HDAC11: variants seen among roughly 807,000 people sequenced by gnomAD.
HDAC11 encodes histone deacetylase 11.
HDAC11 carries 23 observed loss-of-function variants against 41.1 expected under a neutral mutation model. That is an observed-to-expected ratio of 0.56 (90% CI 0.40 to 0.79). The LOEUF (loss-of-function observed/expected upper bound fraction) is 0.79, where lower values mean the gene tolerates loss of function less well. Ranked by LOEUF, HDAC11 falls within the 30% of genes least tolerant of loss-of-function variation. HDAC11 has a pLI of 0.00. For synonymous variants in HDAC11, 187 were observed against 186.6 expected, an observed-to-expected ratio of 1.00 and a Z score of -0.02; for missense variants, 402 against 477.3, an observed-to-expected ratio of 0.84 and a Z score of 1.47.
intron 2 of HDAC11, 126 bp downstream of exon 2, chr3:13,481,520 C>A: frequency 9.6e-7 from 1 of 1,039,840 alleles, no homozygotes; most frequent in Non-Finnish European, 1.4e-6. Context: ...TGGCCTTCCA[C>A]CCATGCTTCC....
Position 13,504,910 on chromosome 3 carries a change from G to T in HDAC11, c.*227G>T. On this transcript the variant is annotated 3_prime_UTR_variant, in exon 10 of 10. Transcript: ENST00000295757. ...GAAGGCAGAGCCTGTGTCCCAGGGG[G>T]ACCCACACGAAGTCACCAGCCCATA... The T allele has an allele frequency of 1.7e-6, 1 of 591,698 alleles. No homozygotes were observed. Among genetic ancestry groups the T allele is most frequent in the Non-Finnish European group, 3.0e-6 (1 of 332,474 alleles). The allele number at this position is 591,698 out of a possible 1,614,324, so 36.7% of individuals were successfully genotyped here. A position where few individuals can be genotyped will look rare whatever the true frequency, so the allele number is the denominator to read the frequency against.
chr3:13,501,517 TGA>T, intron 6 of HDAC11: 1 of 454,104 alleles, frequency 2.2e-6, no homozygotes, highest in Non-Finnish European at 4.4e-6. Context: ...GGTTGGGGAC[TGA>T]AGTCCCAGGG....
At chr3:13,494,464 C>T (rs1474358844) in intron 3 of HDAC11, among the ~76,000 whole-genome samples, 2 of 152,240 alleles carry the variant, frequency 1.3e-5, no homozygotes, top group East Asian at 1.9e-4. Flanking sequence ...ACGGACATAC[C>T]TGTGCACACA....
Position 13,504,207 on chromosome 3 carries a change from G to A in HDAC11, c.763G>A (p.Val255Ile). The A allele has an allele frequency of 1.1e-5, 17 of 1,613,938 alleles. No homozygotes were observed. Among genetic ancestry groups the A allele is most frequent in the Non-Finnish European group, 1.4e-5 (17 of 1,180,030 alleles). The change falls in exon 9 of 10, where the codon GTA (valine) becomes ATA (isoleucine). Residue 255 changes from valine to isoleucine, a missense_variant. By Grantham distance (29) the Val-to-Ile change is conservative. Coordinates refer to ENST00000295757, the MANE Select transcript of HDAC11 (RefSeq NM_024827.4). ...SLQEHLPDVVVYNAGTDILEG... is the reference protein window; with the variant it reads ...SLQEHLPDVVIYNAGTDILEG... ...CCAGGAGCACCTGCCCGACGTGGTG[G>A]TATACAATGCAGGCACCGACATCCT...
chr3:13,482,008 G>A (rs1484796705), intron 2 of HDAC11, among the ~76,000 whole-genome samples: 1 of 152,158 alleles, frequency 6.6e-6, no homozygotes, highest in Non-Finnish European at 1.5e-5. Flanking sequence ...GATTGTAAAA[G>A]CCCACCTGTA....
At chr3:13,489,217 C>T (rs1035077103) in intron 3 of HDAC11, among the ~76,000 whole-genome samples, 2 of 152,094 alleles carry the variant, frequency 1.3e-5, no homozygotes, top group African/African-American at 4.8e-5. Flanking sequence ...CTTTGATGCA[C>T]AAAAATTTTA....
chr3:13,483,583 G>T lies in HDAC11; in HGVS notation c.252+19G>T. 1 of 1,595,530 alleles carries T rather than the reference G, an allele frequency of 6.3e-7. No homozygotes were observed. Among genetic ancestry groups the T allele is most frequent in the South Asian group, 1.1e-5 (1 of 90,716 alleles). On this transcript the variant is annotated intron_variant, in intron 3 of 9. Transcript: ENST00000295757. ...GCTCAAGGTACAGGATGTCGGGCCT[G>T]GGGGGCTGCGGGCCTGGGGCAGGGG...
Position 13,501,952 on chromosome 3 carries a change from C to G in HDAC11, c.552+19C>G. On this transcript the variant is annotated intron_variant, in intron 7 of 9. Transcript: ENST00000295757. ...CCATCAGGTGAGTGCCCTGCAGGGG[C>G]TGGACTCTTAGGGGACCTGCCACCC... is the stretch of plus-strand genomic sequence containing the variant. The G allele has an allele frequency of 4.3e-6, 7 of 1,610,996 alleles. No homozygotes were observed. The highest frequency in any genetic ancestry group is 5.9e-6 in the Non-Finnish European group (7 of 1,177,406).
Position 13,502,979 on chromosome 3 carries a change from G to A in HDAC11, c.648G>A (p.Lys216=), listed in dbSNP as rs1291899334. ...TCTACCCAGGGGACCGCTTTGCCAA[G>A]CGTAAGCTGCTGCCCCTACCCTCAT... The part of the protein sequence containing the change: ...RHIYPGDRFA[K]QAIRRKVELE... Residue 216 remains lysine (K), a splice_region_variant and synonymous_variant, in exon 8 of 10, where the codon AAG becomes AAA. Coordinates refer to ENST00000295757, the MANE Select transcript of HDAC11 (RefSeq NM_024827.4). The surrounding 1 kb of genome is among the most constrained non-coding windows in gnomAD (Gnocchi z 4.1). The A allele has an allele frequency of 6.2e-7, 1 of 1,611,162 alleles. No individual in the cohort carries two copies. The highest frequency in any genetic ancestry group is 1.1e-5 in the South Asian group (1 of 91,030).
chr3:13,485,161 G>A (rs995925348), intron 3 of HDAC11, among the ~76,000 whole-genome samples: 25 of 152,248 alleles, frequency 1.6e-4, no homozygotes, highest in Admixed American at 6.5e-5. Flanking sequence ...AGTCTTCTAG[G>A]TTCCCAGTCA....
In HDAC11 at chr3:13,502,965, G is replaced by T; in HGVS notation, c.634G>T (p.Asp212Tyr). Residue 212 changes from aspartate to tyrosine, a missense_variant, in exon 8 of 10, where the codon GAC (aspartate) becomes TAC (tyrosine). By Grantham distance (160) the Asp-to-Tyr change is radical. Transcript: ENST00000295757. The surrounding 1 kb of genome is among the most constrained non-coding windows in gnomAD (Gnocchi z 4.1). The stretch of plus-strand genomic sequence containing the variant: ...CTACAACCGCCACATCTACCCAGGG[G>T]ACCGCTTTGCCAAGCGTAAGCTGCT... ...DVYNRHIYPG[D>Y]RFAKQAIRRK... is the part of the protein sequence containing the mutation. 2 of 1,613,558 alleles carry T rather than the reference G, an allele frequency of 1.2e-6. No homozygotes were observed. The highest frequency in any genetic ancestry group is 1.1e-5 in the South Asian group (1 of 91,060).
chr3:13,484,040 C>T (rs770124639), intron 3 of HDAC11, among the ~76,000 whole-genome samples: 2 of 152,168 alleles, frequency 1.3e-5, no homozygotes, highest in African/African-American at 4.8e-5. Flanking sequence ...TCATTGCAAC[C>T]TCCGCCTTCC....
chr3:13,487,069 G>A (rs1005986324), intron 3 of HDAC11, among the ~76,000 whole-genome samples: 2 of 152,156 alleles, frequency 1.3e-5, no homozygotes, highest in Non-Finnish European at 2.9e-5. Context: ...GCCGTGGGAG[G>A]AGTGTATATG....
chr3:13,483,846 T>A (rs1026404755), intron 3 of HDAC11, among the ~76,000 whole-genome samples: 1 of 152,338 alleles, frequency 6.6e-6, no homozygotes, highest in African/African-American at 2.4e-5. Flanking sequence ...TTCTACATTA[T>A]GACTTTCAAG....
intron 1 of HDAC11, 66 bp from the exon 2 acceptor site, chr3:13,481,180 C>A: frequency 1.3e-6 from 2 of 1,535,730 alleles, no homozygotes; most frequent in Non-Finnish European, 1.8e-6. Flanking sequence ...TCCAGGCGGG[C>A]TCGGGAGGGA....
At position 13,505,121 on chromosome 3, in the gene HDAC11, C is replaced by T; in HGVS notation, c.*438C>T. The T allele has an allele frequency of 4.3e-6, 1 of 230,014 alleles. No homozygotes were observed. Among genetic ancestry groups the T allele is most frequent in the South Asian group, 7.5e-5 (1 of 13,356 alleles). 14.2% of individuals were successfully genotyped at this position (230,014 alleles called of 1,614,324 possible). A position where few individuals can be genotyped will look rare whatever the true frequency, so the allele number is the denominator to read the frequency against. On this transcript the variant is annotated 3_prime_UTR_variant, in exon 10 of 10. Transcript: ENST00000295757. ...CTGGGCCTCCCTCCCTCCCCTTGGT[C>T]ATGGGATTTGCTGCCCTCTTTGCCC...
chr3:13,501,974 A>G, intron 7 of HDAC11, 41 bp downstream of exon 7: 1 of 1,546,276 alleles, frequency 6.5e-7, no homozygotes, highest in Non-Finnish European at 8.9e-7. Flanking sequence ...GGGACCTGCC[A>G]CCCCCAGTTC....
At position 13,480,535 on chromosome 3, in the gene HDAC11, C is replaced by T. The variant is rs1701257097; in HGVS notation, c.2+186C>T. On this transcript the variant is annotated intron_variant, in intron 1 of 9. Transcript: ENST00000295757. The surrounding 1 kb of genome is among the most constrained non-coding windows in gnomAD (Gnocchi z 4.6). ...CCGGCGCGCCAGGCCAGCCCCGCGC[C>T]CCTGCTCGGTGGCCCGAGGGACGCG... 3.1e-6 allele frequency: 1 copy of T among 327,440 alleles called. No individual in the cohort carries two copies. The highest frequency in any genetic ancestry group is 2.2e-5 in the African/African-American group (1 of 45,334). The allele number at this position is 327,440 out of a possible 1,614,324, so 20.3% of individuals were successfully genotyped here.
intron 2 of HDAC11, among the ~76,000 whole-genome samples, 163 bp downstream of exon 2, chr3:13,481,557 C>T (rs3732670): frequency 0.092 from 14,016 of 152,132 alleles, 955 homozygotes; most frequent in East Asian, 0.3. Flanking sequence ...CCAACACAGA[C>T]TCCTAATCAC....
Sources: gnomAD v4.1 joint callset for allele counts (sites outside exome capture counted in the v4.1 genomes callset) on GRCh38, gnomAD v4.1.1 for gene constraint, Gnocchi (gnomAD v3.1) non-coding constraint, MANE v1.5 for transcripts, NCBI Gene and HGNC (gene_info 2026-07-23, HGNC 2026-07-21) for gene names.